LRRC7: variants seen among roughly 807,000 people sequenced by gnomAD.
The protein encoded by LRRC7 is leucine-rich repeat-containing protein 7.
LRRC7 carries 23 observed loss-of-function variants against 175.7 expected under a neutral mutation model. The ratio of observed to expected loss-of-function variants is 0.13; its 90% CI spans 0.09 to 0.19. LRRC7 has a LOEUF of 0.19. Ranked by LOEUF, LRRC7 falls within the 10% of genes least tolerant of loss-of-function variation. LRRC7 has a pLI of 1.00. For synonymous variants in LRRC7, 685 were observed against 680.9 expected (o/e 1.01, Z -0.09); for missense variants, 1,354 against 1,904.7 (o/e 0.71, Z 5.38).
At position 70,128,607 on chromosome 1, in the gene LRRC7, A is replaced by G. The variant is rs1317865994; in HGVS notation, c.*6720A>G. On this transcript the variant is annotated 3_prime_UTR_variant, in exon 27 of 27. Coordinates refer to ENST00000651989, the MANE Select transcript of LRRC7 (RefSeq NM_001370785.2). ...ATTCATAAACTGAAAACATTTGGAGACATTTCATTGAAGAATATAACAAAA... is the reference window on the plus strand; with the variant it reads ...ATTCATAAACTGAAAACATTTGGAGGCATTTCATTGAAGAATATAACAAAA... 2 of 152,188 alleles carry G rather than the reference A, an allele frequency of 1.3e-5. No individual in the cohort carries two copies. Among genetic ancestry groups the G allele is most frequent in the Admixed American group, 6.5e-5 (1 of 15,280 alleles). The allele number at this position is 152,188 out of a possible 1,614,324, so 9.4% of individuals were successfully genotyped here.
intron 7 of LRRC7, among the ~76,000 whole-genome samples, chr1:69,913,322 G>A (rs530111174): frequency 3.9e-5 from 6 of 152,288 alleles, no homozygotes; most frequent in Non-Finnish European, 7.4e-5. Context: ...GGGAAGTTGA[G>A]TTGAAATGCT....
At position 70,132,120 on chromosome 1, in the gene LRRC7, C is replaced by T. The variant is rs977515583; in HGVS notation, c.*10233C>T. On this transcript the variant is annotated 3_prime_UTR_variant, in exon 27 of 27. Transcript: ENST00000651989. ...AAGAAATCAGATTCAGGCATATCCT[C>T]CAGTCTCTTCGTTCTGGTGACCATG... is the stretch of plus-strand genomic sequence containing the variant. 1.3e-5 allele frequency: 2 copies of T among 152,214 alleles called. No individual in the cohort carries two copies. Among genetic ancestry groups the T allele is most frequent in the Non-Finnish European group, 2.9e-5 (2 of 68,080 alleles). The allele number at this position is 152,214 out of a possible 1,614,324, so 9.4% of individuals were successfully genotyped here. A position where few individuals can be genotyped will look rare whatever the true frequency, so the allele number is the denominator to read the frequency against.
intron 7 of LRRC7, among the ~76,000 whole-genome samples, chr1:69,847,517 C>T (rs1682511207): frequency 6.6e-6 from 1 of 152,026 alleles, no homozygotes; most frequent in Admixed American, 6.6e-5. Context: ...TTGCTCTTTT[C>T]CACCCACCAC....
At chr1:69,573,104 G>A (rs1321475948) in intron 1 of LRRC7, among the ~76,000 whole-genome samples, 2 of 152,086 alleles carry the variant, frequency 1.3e-5, no homozygotes, top group Admixed American at 6.6e-5. Flanking sequence ...CTCCTACCAT[G>A]AGTCATGTGC....
rs1553178449 is a variant in LRRC7, at chr1:69,938,995, T to TTTTA, written c.711+7426_711+7427insTTAT. Among the ~76,000 whole-genome samples the TTTTA allele has an allele frequency of 7.3e-4, 71 of 97,566 alleles. 1 individual carries two copies. Among genetic ancestry groups the TTTTA allele is most frequent in the Middle Eastern group, 4.8e-3 (1 of 210 alleles). The allele number at this position is 97,566 out of a possible 152,430, so 64.0% of individuals were successfully genotyped here. Reference sequence around the variant, plus strand: ...TTTGTAAAGCCACTAAGGCTGTAGATTATATATATATATATATATCTATAT... The same window carrying TTTTA: ...TTTGTAAAGCCACTAAGGCTGTAGATTTTATATATATATATATATATATCTATAT... On this transcript the variant is annotated intron_variant, in intron 8 of 26. Transcript: ENST00000651989.
At chr1:70,100,799 C>T (rs1664751771) in intron 25 of LRRC7, among the ~76,000 whole-genome samples, 1 of 151,916 alleles carries the variant, frequency 6.6e-6, no homozygotes, top group Non-Finnish European at 1.5e-5. Flanking sequence ...TCTCTTCTTC[C>T]CTCACTTCTC....
At chr1:69,827,539 T>C (rs1680061892) in intron 5 of LRRC7, among the ~76,000 whole-genome samples, 1 of 152,178 alleles carries the variant, frequency 6.6e-6, no homozygotes, top group Admixed American at 6.5e-5. Context: ...TTTTTAAATA[T>C]GTTATTTCTA....
intron 1 of LRRC7, among the ~76,000 whole-genome samples, chr1:69,615,720 A>C (rs2100281367): frequency 6.6e-6 from 1 of 152,210 alleles, no homozygotes; most frequent in East Asian, 1.9e-4. Context: ...AGGGTTCAAA[A>C]GATTCAATTG....
chr1:69,731,944 C>T (rs1463387153), intron 2 of LRRC7, among the ~76,000 whole-genome samples: 2 of 151,992 alleles, frequency 1.3e-5, no homozygotes, highest in Non-Finnish European at 1.5e-5. Context: ...CCTAAATTTT[C>T]CCCTTATAGA....
chr1:70,006,445 C>G (rs914486256), intron 11 of LRRC7, among the ~76,000 whole-genome samples: 1 of 149,714 alleles, frequency 6.7e-6, no homozygotes, highest in Admixed American at 6.7e-5. Context: ...GCACTCCAGC[C>G]TGGGCGACAG....
chr1:69,658,170 CT>C (rs1220732239), intron 1 of LRRC7, among the ~76,000 whole-genome samples: 1 of 151,812 alleles, frequency 6.6e-6, no homozygotes, highest in Non-Finnish European at 1.5e-5. Context: ...TTGCTACTTC[CT>C]GTCTGTGTCA....
rs1667073535 is a variant in LRRC7 at position 70,141,832 on chromosome 1, T to A, written c.*19945T>A. On this transcript the variant is annotated 3_prime_UTR_variant, in exon 27 of 27. Coordinates refer to ENST00000651989, the MANE Select transcript of LRRC7 (RefSeq NM_001370785.2). Reference sequence around the variant, plus strand: ...TTTTGTGTCTATGTATAGGCACACATAAATAGGAGGTGTTTTTCTTTGCAC... The same window carrying A: ...TTTTGTGTCTATGTATAGGCACACAAAAATAGGAGGTGTTTTTCTTTGCAC... 1 of 152,148 alleles carries A rather than the reference T, an allele frequency of 6.6e-6. No homozygotes were observed. Among genetic ancestry groups the A allele is most frequent in the South Asian group, 2.1e-4 (1 of 4,834 alleles). 9.4% of individuals were successfully genotyped at this position (152,148 alleles called of 1,614,324 possible). A position where few individuals can be genotyped will look rare whatever the true frequency, so the allele number is the denominator to read the frequency against.
At chr1:69,670,759 T>C (rs1004805283) in intron 1 of LRRC7, among the ~76,000 whole-genome samples, 2 of 152,110 alleles carry the variant, frequency 1.3e-5, no homozygotes, top group Non-Finnish European at 2.9e-5. Flanking sequence ...CCTCTTTCCA[T>C]TGGGAGAAGA....
intron 21 of LRRC7, 112 bp from the exon 22 acceptor site, chr1:70,043,842 T>G: frequency 7.8e-7 from 1 of 1,274,640 alleles, no homozygotes; most frequent in Non-Finnish European, 1.1e-6. Flanking sequence ...TTTAAAAAGT[T>G]ACTGTTTGCC....
chr1:70,038,939 CCAATGCTGGATG>C lies in LRRC7; in HGVS notation c.3116_3127del (p.Pro1039_Asp1043delinsHis). 6.2e-7 allele frequency: 1 copy of C among 1,613,856 alleles called. No homozygotes were observed. Among genetic ancestry groups the C allele is most frequent in the Non-Finnish European group, 8.5e-7 (1 of 1,179,984 alleles). ...CAGTATGTCTCGAAGCCAGTCAGTC[CCAATGCTGGATG>C]ATGAGATGCTCACCTACGGAAGTAG... On this transcript the variant is annotated inframe_deletion, in exon 21 of 27. Coordinates refer to ENST00000651989, the MANE Select transcript of LRRC7 (RefSeq NM_001370785.2).
chr1:69,577,860 C>A (rs1382492604), intron 1 of LRRC7, among the ~76,000 whole-genome samples: 1 of 152,046 alleles, frequency 6.6e-6, no homozygotes, highest in Non-Finnish European at 1.5e-5. Context: ...CTTGGCGATG[C>A]GGGCTCTTTT....
intron 2 of LRRC7, among the ~76,000 whole-genome samples, chr1:69,703,064 T>C (rs867302440): frequency 2.6e-5 from 4 of 152,114 alleles, no homozygotes; most frequent in Non-Finnish European, 1.5e-5. Flanking sequence ...AATTACTTAA[T>C]GTTTTTAGTT....
At chr1:70,047,446 C>G (rs1174989369) in intron 22 of LRRC7, among the ~76,000 whole-genome samples, 1 of 152,118 alleles carries the variant, frequency 6.6e-6, no homozygotes, top group East Asian at 1.9e-4. Context: ...TTGCCTCTTG[C>G]AACTAGGACA....
chr1:69,934,989 G>A (rs962675355), intron 8 of LRRC7, among the ~76,000 whole-genome samples: 6 of 152,116 alleles, frequency 3.9e-5, no homozygotes, highest in Non-Finnish European at 8.8e-5. Flanking sequence ...GAAGCAAAAC[G>A]TGCTTTTTTG....
Sources: allele counts gnomAD v4.1 joint callset (sites outside exome capture counted in the v4.1 genomes callset), GRCh38; gene constraint gnomAD v4.1.1; transcripts MANE v1.5; gene names NCBI Gene and HGNC (gene_info 2026-07-23, HGNC 2026-07-21).